Variants in TNRC6B observed in about 807,000 individuals in gnomAD.
TNRC6B encodes the protein trinucleotide repeat containing adaptor 6B.
A neutral mutation model predicts 203.6 loss-of-function variants in TNRC6B; 52 were observed. The ratio of observed to expected loss-of-function variants is 0.26; its 90% CI spans 0.20 to 0.32. TNRC6B has a LOEUF of 0.32. Ranked by LOEUF, TNRC6B falls within the 10% of genes least tolerant of loss-of-function variation. The pLI, the probability that TNRC6B is intolerant of heterozygous loss-of-function variation, is 1.00. For synonymous variants in TNRC6B, 838 were observed against 845.7 expected (o/e 0.99, Z 0.16); for missense variants, 1,923 against 2,286.2 (o/e 0.84, Z 3.24).
intron 7 of TNRC6B, among the ~76,000 whole-genome samples, chr22:40,275,405 C>T (rs2070625804): frequency 6.6e-6 from 1 of 152,022 alleles, no homozygotes; most frequent in Admixed American, 6.6e-5. Context: ...CTCTTTCAGC[C>T]CCAGTACCAG....
chr22:40,157,712 C>T (rs934016804), intron 4 of TNRC6B, among the ~76,000 whole-genome samples: 4 of 152,262 alleles, frequency 2.6e-5, no homozygotes, highest in South Asian at 2.1e-4. Flanking sequence ...TGCTTTTCTC[C>T]GTGTCCACTG....
intron 3 of TNRC6B, among the ~76,000 whole-genome samples, chr22:40,143,375 A>G (rs2103648): frequency 0.29 from 44,547 of 151,996 alleles, 7,135 homozygotes; most frequent in African/African-American, 0.41. Flanking sequence ...TGAGGCTGCA[A>G]TGAGCTATGA....
intron 3 of TNRC6B, among the ~76,000 whole-genome samples, chr22:40,154,860 A>AAAATATATAT (rs1555885936): frequency 1.7e-4 from 4 of 23,578 alleles, no homozygotes; most frequent in Non-Finnish European, 1.2e-4. Context: ...AAAAAAAAAA[A>AAAATATATAT]ATATATATAT....
At chr22:40,260,942 G>A (rs1159973281) in intron 3 of TNRC6B, among the ~76,000 whole-genome samples, 1 of 152,206 alleles carries the variant, frequency 6.6e-6, no homozygotes, top group Admixed American at 6.5e-5. Flanking sequence ...AAAAGGAGAA[G>A]TTACTTTGTT....
intron 1 of TNRC6B, among the ~76,000 whole-genome samples, chr22:40,211,410 A>G (rs1245635207): frequency 6.6e-6 from 1 of 151,448 alleles, no homozygotes; most frequent in African/African-American, 2.4e-5. Context: ...CTCATCGTTC[A>G]TGTGTTAGTT....
chr22:40,319,082 T>C (rs1018304577), intron 21 of TNRC6B, among the ~76,000 whole-genome samples: 1 of 151,902 alleles, frequency 6.6e-6, no homozygotes, highest in African/African-American at 2.4e-5. Flanking sequence ...AAGAAAAAAA[T>C]GTTAATTATA....
At chr22:40,222,001 A>G (rs1485814225) in intron 1 of TNRC6B, among the ~76,000 whole-genome samples, 1 of 152,060 alleles carries the variant, frequency 6.6e-6, no homozygotes, top group Non-Finnish European at 1.5e-5. Flanking sequence ...ATGTACCAGA[A>G]GGTAGGATGA....
chr22:40,112,359 G>A (rs2068345239), intron 1 of TNRC6B, among the ~76,000 whole-genome samples: 1 of 152,164 alleles, frequency 6.6e-6, no homozygotes, highest in South Asian at 2.1e-4. Context: ...AGTTGAGTTT[G>A]GTTCCCTCTC....
intron 12 of TNRC6B, among the ~76,000 whole-genome samples, chr22:40,292,943 G>A (rs2070888071): frequency 6.6e-6 from 1 of 152,056 alleles, no homozygotes; most frequent in African/African-American, 2.4e-5. Context: ...ACAATCTGTT[G>A]TTTTCATTTT....
chr22:40,271,727 C>T (rs2146509344), intron 6 of TNRC6B, among the ~76,000 whole-genome samples: 1 of 152,310 alleles, frequency 6.6e-6, no homozygotes, highest in East Asian at 1.9e-4. Flanking sequence ...TCTCTTCTAT[C>T]ACAAAACCAC....
chr22:40,173,244 G>A (rs934616651), upstream of TNRC6B, among the ~76,000 whole-genome samples: 1 of 151,816 alleles, frequency 6.6e-6, no homozygotes, highest in South Asian at 2.1e-4. Flanking sequence ...CTACAGGTGC[G>A]TGCCACCACG....
At chr22:40,264,109 A>T (rs1429311749) in intron 4 of TNRC6B, among the ~76,000 whole-genome samples, 2 of 152,224 alleles carry the variant, frequency 1.3e-5, no homozygotes, top group Non-Finnish European at 2.9e-5. Flanking sequence ...GTAGGTGCCA[A>T]CGTGAAATGG....
rs936374925 is a variant in TNRC6B at position 40,281,263 on chromosome 22, A to T, written c.3556A>T (p.Asn1186Tyr). ...VSLGAIGTGL[N>Y]PQNFAARQGG... ...CCTTGGAGCAATCGGCACAGGGCTC[A>T]ACCCCCAAAACTTCGCTGCTAGACA... The change falls in exon 11 of 23, where the codon AAC becomes TAC. Residue 1186 changes from asparagine (N) to tyrosine (Y), a missense_variant. This residue lies in a region of TNRC6B where 599 missense variants were observed against 656.5 expected (regional missense o/e 0.91). Coordinates refer to ENST00000454349, the MANE Select transcript of TNRC6B (RefSeq NM_001162501.2). The T allele has an allele frequency of 1.3e-6, 2 of 1,546,464 alleles. No homozygotes were observed. Among genetic ancestry groups the T allele is most frequent in the Non-Finnish European group, 8.7e-7 (1 of 1,144,774 alleles).
chr22:40,156,473 G>C (rs2068819716), intron 4 of TNRC6B, among the ~76,000 whole-genome samples: 1 of 152,178 alleles, frequency 6.6e-6, no homozygotes, highest in Admixed American at 6.5e-5. Flanking sequence ...CTGTTTGGTT[G>C]ATTTCCAAAG....
chr22:40,179,016 G>C (rs1330683144), intron 1 of TNRC6B, among the ~76,000 whole-genome samples: 1 of 152,164 alleles, frequency 6.6e-6, no homozygotes, highest in African/African-American at 2.4e-5. Context: ...GCAAAACTGA[G>C]TTTTTCAGCA....
intron 1 of TNRC6B, among the ~76,000 whole-genome samples, chr22:40,178,483 C>G (rs989099971): frequency 1.3e-5 from 2 of 152,234 alleles, no homozygotes; most frequent in African/African-American, 4.8e-5. Context: ...CCCCCTCCCC[C>G]CTTAAATCTG....
chr22:40,106,539 C>T, intron 1 of TNRC6B: 2 of 734,686 alleles, frequency 2.7e-6, no homozygotes, highest in Non-Finnish European at 5.0e-6. Flanking sequence ...AGAGATCGAG[C>T]AATCAAAGTG....
At chr22:40,177,903 G>A, upstream of TNRC6B, 2 of 1,342,886 alleles carry the variant, frequency 1.5e-6, no homozygotes, top group Non-Finnish European at 9.5e-7. Context: ...CTATTTGAAG[G>A]TCACAAAAAG....
chr22:40,219,497 A>G lies in TNRC6B; in HGVS notation c.6-26518A>G, dbSNP rs2069679188. On this transcript the variant is annotated intron_variant, in intron 1 of 22. Coordinates refer to ENST00000454349, the MANE Select transcript of TNRC6B (RefSeq NM_001162501.2). ...GGAAAGGATGAGTTCTGGAAAGGAT[A>G]GCAGGGGCCCTCCCTCCCGGTCTGT... Among the ~76,000 whole-genome samples, 9 of 152,146 alleles carry G rather than the reference A, an allele frequency of 5.9e-5. No individual in the cohort carries two copies. The South Asian group carries it at 1.9e-3, about 32-fold the overall frequency.
Sources: allele counts gnomAD v4.1 joint callset (sites outside exome capture counted in the v4.1 genomes callset), GRCh38; gene constraint gnomAD v4.1.1; regional missense constraint gnomAD v4.1.1; transcripts MANE v1.5; gene names NCBI Gene and HGNC (gene_info 2026-07-23, HGNC 2026-07-21).